Variants in MTA3 observed in about 807,000 individuals in gnomAD.
MTA3 encodes metastasis-associated protein MTA3.
In MTA3, 34 loss-of-function variants were observed where a neutral mutation model predicts 83.5. That is an observed-to-expected ratio of 0.41 (90% CI 0.31 to 0.54). MTA3 has a LOEUF of 0.54. Ranked by LOEUF, MTA3 falls within the 20% of genes least tolerant of loss-of-function variation. The pLI is 0.33. For synonymous variants in MTA3, 303 were observed against 252.7 expected (o/e 1.20, Z -1.89); for missense variants, 761 against 726.4 (o/e 1.05, Z -0.55).
At chr2:42,640,294 T>G (rs1687592693) in intron 5 of MTA3, 58 bp downstream of exon 5, 1 of 1,178,136 alleles carries the variant, frequency 8.5e-7, no homozygotes, top group Non-Finnish European at 1.2e-6. Context: ...ATGAAGCTCT[T>G]TCCTTGGAAT....
At chr2:42,513,591 A>C (rs906914402) in intron 2 of MTA3, among the ~76,000 whole-genome samples, 5 of 152,212 alleles carry the variant, frequency 3.3e-5, no homozygotes, top group Admixed American at 6.5e-5. Context: ...AGGCTTATCA[A>C]GACCCTCAGA....
chr2:42,710,185 G>C (rs766063982), intron 14 of MTA3, among the ~76,000 whole-genome samples: 1 of 152,158 alleles, frequency 6.6e-6, no homozygotes, highest in Non-Finnish European at 1.5e-5. Context: ...TGTTCCTAAA[G>C]ATAATTTTTA....
intron 12 of MTA3, among the ~76,000 whole-genome samples, chr2:42,705,794 G>A (rs1244616056): frequency 6.6e-6 from 1 of 151,654 alleles, no homozygotes; most frequent in Non-Finnish European, 1.5e-5. Context: ...ATTTTTATGT[G>A]TGCATGATGA....
intron 11 of MTA3, among the ~76,000 whole-genome samples, chr2:42,700,856 C>T (rs1280637589): frequency 1.3e-5 from 2 of 152,272 alleles, no homozygotes; most frequent in South Asian, 2.1e-4. Context: ...ATCCCAGCAA[C>T]TTGGGAAGCT....
At chr2:42,530,323 T>C (rs1273821416) in intron 2 of MTA3, among the ~76,000 whole-genome samples, 1 of 151,320 alleles carries the variant, frequency 6.6e-6, no homozygotes, top group Non-Finnish European at 1.5e-5. Flanking sequence ...CCGTCTCTAC[T>C]AAAAATACAA....
rs370857020 is a variant in MTA3, at chr2:42,581,244, A to C, written c.190+2044A>C. On this transcript the variant is annotated intron_variant, in intron 3 of 16. Transcript: ENST00000405094. ...CAAGGCTTCACATTTGCTACTGATA[A>C]TGAGAACAAAATATTGCTTTAAAAG... Among the ~76,000 whole-genome samples the C allele has an allele frequency of 3.3e-5, 5 of 152,076 alleles. No individual in the cohort carries two copies. The East Asian group carries it at 7.7e-4, about 23-fold the overall frequency.
intron 2 of MTA3, among the ~76,000 whole-genome samples, chr2:42,530,926 T>C (rs571752650): frequency 1.3e-5 from 2 of 152,104 alleles, no homozygotes; most frequent in Non-Finnish European, 2.9e-5. Context: ...ACCTCCCAGG[T>C]TTAAGCAATT....
chr2:42,618,542 C>G (rs1350496102), intron 4 of MTA3, among the ~76,000 whole-genome samples: 2 of 152,144 alleles, frequency 1.3e-5, no homozygotes, highest in East Asian at 3.9e-4. Flanking sequence ...AAAGACACTA[C>G]TTCTCTCCTT....
At chr2:42,708,420 G>A (rs1358615528) in intron 13 of MTA3, among the ~76,000 whole-genome samples, 2 of 152,094 alleles carry the variant, frequency 1.3e-5, no homozygotes, top group Non-Finnish European at 2.9e-5. Flanking sequence ...TCTCCCCGTG[G>A]CTGTTTTGGA....
At chr2:42,727,843 G>A (rs953774094) in intron 16 of MTA3, among the ~76,000 whole-genome samples, 9 of 152,046 alleles carry the variant, frequency 5.9e-5, no homozygotes, top group African/African-American at 1.9e-4. Flanking sequence ...GTAGATGTAT[G>A]TATTTATGGG....
chr2:42,614,809 TATAA>T (rs1490729200), intron 4 of MTA3, among the ~76,000 whole-genome samples: 3 of 152,080 alleles, frequency 2.0e-5, no homozygotes, highest in African/African-American at 7.2e-5. Flanking sequence ...ACCCTGTCTC[TATAA>T]ATAATAAAAA....
At chr2:42,664,395 C>A (rs1167533666) in intron 8 of MTA3, among the ~76,000 whole-genome samples, 3 of 148,770 alleles carry the variant, frequency 2.0e-5, no homozygotes, top group Non-Finnish European at 4.4e-5. Context: ...ATTCATCATT[C>A]AGTTGAATTT....
chr2:42,514,093 G>A (rs1447851183), intron 2 of MTA3, among the ~76,000 whole-genome samples: 3 of 152,114 alleles, frequency 2.0e-5, no homozygotes, highest in Non-Finnish European at 4.4e-5. Flanking sequence ...CGTGCCTGTG[G>A]TCCCACCTAC....
At chr2:42,747,301 C>G (rs1669515528) in intron 16 of MTA3, among the ~76,000 whole-genome samples, 1 of 152,030 alleles carries the variant, frequency 6.6e-6, no homozygotes, top group Admixed American at 6.6e-5. Flanking sequence ...CGCCTGGCCC[C>G]CTGTTCAGAT....
intron 2 of MTA3, among the ~76,000 whole-genome samples, chr2:42,513,854 A>G (rs746683743): frequency 2.0e-5 from 3 of 152,196 alleles, no homozygotes; most frequent in Non-Finnish European, 4.4e-5. Flanking sequence ...TCAGACTCCC[A>G]TGAAATCCAG....
rs1468862500 is a variant in MTA3 at position 42,667,588 on chromosome 2, G to GTA, written c.702+7727_702+7728insAT. ...TTAAAAATTGTGTGTGTGTGTGTGT[G>GTA]TGTGTGTGTGTGTGTGTGTGTATAG... On this transcript the variant is annotated intron_variant, in intron 8 of 16. Transcript: ENST00000405094. 1.4e-3 allele frequency among the ~76,000 whole-genome samples: 181 copies of GTA among 130,264 alleles called. 1 individual carries two copies. Among genetic ancestry groups the GTA allele is most frequent in the Non-Finnish European group, 2.1e-3 (131 of 62,852 alleles). 85.5% of individuals were successfully genotyped at this position (130,264 alleles called of 152,430 possible). A position where few individuals can be genotyped will look rare whatever the true frequency, so the allele number is the denominator to read the frequency against.
chr2:42,529,758 G>A (rs374396392), intron 2 of MTA3, among the ~76,000 whole-genome samples: 13 of 152,306 alleles, frequency 8.5e-5, no homozygotes, highest in African/African-American at 3.1e-4. Context: ...AGTTGTTAAT[G>A]CTGGGCACAG....
intron 4 of MTA3, among the ~76,000 whole-genome samples, chr2:42,616,218 G>T (rs546072030): frequency 6.6e-6 from 1 of 152,126 alleles, no homozygotes; most frequent in Admixed American, 6.5e-5. Flanking sequence ...GTGCCACCAC[G>T]CCTGGCTAAT....
rs185238634 is a variant in MTA3 at position 42,591,755 on chromosome 2, A to G, written c.190+12555A>G. 3.9e-4 allele frequency among the ~76,000 whole-genome samples: 59 copies of G among 152,172 alleles called. 1 individual carries two copies. In the East Asian group the frequency reaches 0.011, roughly 29 times the overall value. Reference sequence around the variant, plus strand: ...AATCTCCGCCTTCCAGGTTCAAGCAATTCTCCTGCCTCAGCCTCCCGAGTA... The same window carrying G: ...AATCTCCGCCTTCCAGGTTCAAGCAGTTCTCCTGCCTCAGCCTCCCGAGTA... On this transcript the variant is annotated intron_variant, in intron 3 of 16. Transcript: ENST00000405094.
Sources: allele counts gnomAD v4.1 joint callset (sites outside exome capture counted in the v4.1 genomes callset), GRCh38; gene constraint gnomAD v4.1.1; transcripts MANE v1.5; gene names NCBI Gene and HGNC (gene_info 2026-07-23, HGNC 2026-07-21).